The following OSBPL8 variants were observed in gnomAD, a reference collection of about 807,000 sequenced individuals.
The protein encoded by OSBPL8 is oxysterol-binding protein-related protein 8.
Under a neutral mutation model 125.5 loss-of-function variants are expected in OSBPL8, and 59 were observed. The observed-to-expected ratio is 0.47, with a 90% CI of 0.38 to 0.58. OSBPL8 has a LOEUF of 0.58. OSBPL8 is among the 20% of genes least tolerant of loss of function. The pLI, the probability that OSBPL8 is intolerant of heterozygous loss-of-function variation, is 0.00. For missense variants in OSBPL8, 758 were observed against 1,047.8 expected (o/e 0.72, Z 3.82); for synonymous variants, 330 against 338.9 (o/e 0.97, Z 0.29).
intron 4 of OSBPL8, among the ~76,000 whole-genome samples, chr12:76,423,744 T>A (rs879787132): frequency 6.6e-6 from 1 of 152,152 alleles, no homozygotes; most frequent in Non-Finnish European, 1.5e-5. Flanking sequence ...TCTCTATATA[T>A]GCCGTAGATT....
At chr12:76,457,892 A>G (rs574561332) in intron 3 of OSBPL8, among the ~76,000 whole-genome samples, 3 of 152,334 alleles carry the variant, frequency 2.0e-5, no homozygotes, top group East Asian at 3.9e-4. Context: ...ATGTCTAAAT[A>G]TATGAGGTAA....
At chr12:76,374,019 A>G (rs1044094807) in intron 17 of OSBPL8, among the ~76,000 whole-genome samples, 22 of 152,186 alleles carry the variant, frequency 1.4e-4, no homozygotes, top group Non-Finnish European at 2.5e-4. Flanking sequence ...ATTCATCATG[A>G]TCTTCAAACA....
intron 1 of OSBPL8, among the ~76,000 whole-genome samples, chr12:76,552,206 C>T (rs1219766670): frequency 6.6e-6 from 1 of 151,998 alleles, no homozygotes; most frequent in African/African-American, 2.4e-5. Context: ...GGGCAGATCG[C>T]TTGAACTCAG....
At chr12:76,474,217 G>T (rs566080132) in intron 2 of OSBPL8, among the ~76,000 whole-genome samples, 4 of 152,170 alleles carry the variant, frequency 2.6e-5, no homozygotes, top group Admixed American at 1.3e-4. Context: ...TAAGTATTTT[G>T]ATTTAACGTC....
chr12:76,368,000 T>C (rs1952484371), intron 21 of OSBPL8, among the ~76,000 whole-genome samples: 1 of 152,246 alleles, frequency 6.6e-6, no homozygotes, highest in Non-Finnish European at 1.5e-5. Context: ...GCACTAGCTT[T>C]TATATTTGTC....
At chr12:76,495,563 C>G (rs937754818) in intron 1 of OSBPL8, among the ~76,000 whole-genome samples, 1 of 152,114 alleles carries the variant, frequency 6.6e-6, no homozygotes, top group African/African-American at 2.4e-5. Context: ...AACAAGAATA[C>G]CAAAATATTA....
intron 1 of OSBPL8, among the ~76,000 whole-genome samples, chr12:76,545,563 A>C (rs1399371789): frequency 6.6e-6 from 1 of 152,212 alleles, no homozygotes; most frequent in African/African-American, 2.4e-5. Flanking sequence ...ATTCAATCCC[A>C]AAAGAAATTT....
At chr12:76,472,538 C>T (rs995455443) in intron 2 of OSBPL8, among the ~76,000 whole-genome samples, 12 of 152,024 alleles carry the variant, frequency 7.9e-5, no homozygotes, top group African/African-American at 2.9e-4. Flanking sequence ...CCAGGCTGTG[C>T]TGATATTTAT....
chr12:76,423,921 T>G (rs1307632731), intron 4 of OSBPL8, among the ~76,000 whole-genome samples: 1 of 152,200 alleles, frequency 6.6e-6, no homozygotes. Context: ...GGTTCTCTAT[T>G]CATGCACAAC....
intron 22 of OSBPL8, among the ~76,000 whole-genome samples, chr12:76,357,783 T>G (rs1952039525): frequency 6.6e-6 from 1 of 152,214 alleles, no homozygotes; most frequent in African/African-American, 2.4e-5. Context: ...TTTATTCACT[T>G]CTAGTGTTAT....
chr12:76,503,832 C>T (rs974658691), intron 1 of OSBPL8, among the ~76,000 whole-genome samples: 9 of 152,050 alleles, frequency 5.9e-5, no homozygotes, highest in Non-Finnish European at 7.4e-5. Context: ...CATAAGCCAC[C>T]GCGCCTGGCC....
intron 1 of OSBPL8, among the ~76,000 whole-genome samples, chr12:76,524,591 A>G (rs1215424133): frequency 6.6e-6 from 1 of 152,204 alleles, no homozygotes; most frequent in Admixed American, 6.5e-5. Flanking sequence ...ACTTCCTGAT[A>G]CAAAGTATAT....
At position 76,356,836 on chromosome 12, in the gene OSBPL8, G is replaced by A. The variant is rs1437909438; in HGVS notation, c.2435-108C>T. On this transcript the variant is annotated intron_variant, in intron 22 of 23. Coordinates refer to ENST00000261183, the MANE Select transcript of OSBPL8 (RefSeq NM_020841.5). ...CCTGGGCATTTGTTTTTGTAGCCTA[G>A]AGATTAGCATAGTAATATGAATACT... 6.0e-6 allele frequency: 4 copies of A among 668,442 alleles called. No homozygotes were observed. In the East Asian group the frequency reaches 1.1e-4, roughly 18 times the overall value. 41.4% of individuals were successfully genotyped at this position (668,442 alleles called of 1,614,324 possible).
chr12:76,366,809 G>GT (rs200821788), intron 21 of OSBPL8, among the ~76,000 whole-genome samples: 10,680 of 151,820 alleles, frequency 0.07, 498 homozygotes, highest in Middle Eastern at 0.15. Flanking sequence ...TGTTTTGTTT[G>GT]TTTCTGAGAC....
At chr12:76,412,426 C>A (rs1419288669) in intron 4 of OSBPL8, among the ~76,000 whole-genome samples, 1 of 151,958 alleles carries the variant, frequency 6.6e-6, no homozygotes, top group Non-Finnish European at 1.5e-5. Context: ...GTAAATTATA[C>A]CTCAATAAAA....
chr12:76,531,914 G>A (rs897916905), intron 1 of OSBPL8, among the ~76,000 whole-genome samples: 5 of 151,730 alleles, frequency 3.3e-5, no homozygotes, highest in African/African-American at 1.2e-4. Context: ...GTGGGCACCT[G>A]TAGTCCCAGC....
chr12:76,422,401 C>T (rs1357555843), intron 4 of OSBPL8: 3 of 382,688 alleles, frequency 7.8e-6, no homozygotes, highest in Non-Finnish European at 1.5e-5. Context: ...TAAGCTTTCA[C>T]TACAGAATTG....
intron 3 of OSBPL8, among the ~76,000 whole-genome samples, chr12:76,458,081 C>T (rs1053643756): frequency 1.3e-4 from 19 of 150,954 alleles, no homozygotes; most frequent in African/African-American, 4.4e-4. Context: ...AGACCAGCCT[C>T]GGCAATGTAG....
chr12:76,523,067 G>C (rs1020139417), intron 1 of OSBPL8, among the ~76,000 whole-genome samples: 1 of 152,068 alleles, frequency 6.6e-6, no homozygotes, highest in Non-Finnish European at 1.5e-5. Flanking sequence ...TGAACTCCTG[G>C]GATAAAGTGA....
Sources: allele counts gnomAD v4.1 joint callset (sites outside exome capture counted in the v4.1 genomes callset), GRCh38; gene constraint gnomAD v4.1.1; transcripts MANE v1.5; gene names NCBI Gene and HGNC (gene_info 2026-07-23, HGNC 2026-07-21).